The following OSBP2 variants were observed in gnomAD, a reference collection of about 807,000 sequenced individuals.
OSBP2 encodes oxysterol-binding protein 2.
A neutral mutation model predicts 96.0 loss-of-function variants in OSBP2; 66 were observed. That is an observed-to-expected ratio of 0.69 (90% CI 0.56 to 0.84). OSBP2 has a LOEUF of 0.84. Among genes scored for constraint, OSBP2 ranks in the 40% least tolerant of loss-of-function variants. OSBP2 has a pLI of 0.00. For synonymous variants in OSBP2, 525 were observed against 520.9 expected (o/e 1.01, Z -0.11); for missense variants, 1,038 against 1,222.7 (o/e 0.85, Z 2.25).
chr22:30,721,345 C>G (rs1235568241), intron 1 of OSBP2, among the ~76,000 whole-genome samples: 1 of 152,184 alleles, frequency 6.6e-6, no homozygotes, highest in African/African-American at 2.4e-5. Context: ...TATGGGGGCC[C>G]AGAAGACTAG....
At chr22:30,893,602 G>A (rs373870302) in intron 10 of OSBP2, 36 bp downstream of exon 10, 32 of 1,611,912 alleles carry the variant, frequency 2.0e-5, no homozygotes, top group African/African-American at 4.0e-5. Flanking sequence ...TGCATGGCCC[G>A]GGGGCTGGCC....
chr22:30,876,745 A>G (rs1224301124), intron 3 of OSBP2, among the ~76,000 whole-genome samples: 1 of 152,158 alleles, frequency 6.6e-6, no homozygotes, highest in African/African-American at 2.4e-5. Flanking sequence ...GGCATGCCAG[A>G]CATTCTGCAT....
intron 1 of OSBP2, among the ~76,000 whole-genome samples, chr22:30,723,483 G>A (rs571591866): frequency 9.4e-5 from 14 of 148,964 alleles, no homozygotes; most frequent in African/African-American, 2.5e-4. Flanking sequence ...GCGTGATCTC[G>A]GCTCGCTGCA....
At chr22:30,729,965 G>A (rs2089720262) in intron 1 of OSBP2, among the ~76,000 whole-genome samples, 1 of 151,810 alleles carries the variant, frequency 6.6e-6, no homozygotes, top group African/African-American at 2.4e-5. Flanking sequence ...TTGTTTTTTG[G>A]GGTTTTTTTT....
chr22:30,870,368 G>T lies in OSBP2; in HGVS notation c.854-61G>T, dbSNP rs1167872658. The T allele has an allele frequency of 1.9e-6, 3 of 1,567,740 alleles. No homozygotes were observed. Among genetic ancestry groups the T allele is most frequent in the Non-Finnish European group, 1.7e-6 (2 of 1,148,072 alleles). ...ACCCTGCCCTGCTCGGCCTGGCTGT[G>T]CAGGCCTCTTGGTACCACGTCTGTT... On this transcript the variant is annotated intron_variant, in intron 2 of 13. Coordinates refer to ENST00000332585, the MANE Select transcript of OSBP2 (RefSeq NM_030758.4). This position sits in a 1 kb window ranked among gnomAD's most constrained non-coding sequence, Gnocchi z 4.1.
At chr22:30,751,707 T>C (rs2145756383) in intron 2 of OSBP2, among the ~76,000 whole-genome samples, 1 of 152,228 alleles carries the variant, frequency 6.6e-6, no homozygotes, top group East Asian at 1.9e-4. Context: ...CCAGCACTCA[T>C]AAATCATCCG....
At chr22:30,813,262 C>G (rs1303495475) in intron 2 of OSBP2, among the ~76,000 whole-genome samples, 3 of 149,910 alleles carry the variant, frequency 2.0e-5, no homozygotes, top group Non-Finnish European at 3.0e-5. Flanking sequence ...TCACTGCAAC[C>G]TCTCGGATTC....
chr22:30,742,792 A>AT (rs1320867036), intron 2 of OSBP2, among the ~76,000 whole-genome samples: 6 of 152,176 alleles, frequency 3.9e-5, no homozygotes, highest in African/African-American at 1.2e-4. Flanking sequence ...CTGTGCTGCC[A>AT]TGAGTAACCT....
chr22:30,706,790 C>T (rs1017455148), intron 1 of OSBP2, among the ~76,000 whole-genome samples: 9 of 152,300 alleles, frequency 5.9e-5, no homozygotes, highest in Admixed American at 5.9e-4. Context: ...TTCCTGCCAT[C>T]CCCTCAGCCA....
At chr22:30,744,588 C>T (rs2089976184) in intron 2 of OSBP2, among the ~76,000 whole-genome samples, 1 of 152,082 alleles carries the variant, frequency 6.6e-6, no homozygotes, top group South Asian at 2.1e-4. Flanking sequence ...TGGTGAAACC[C>T]CATCTCTGCT....
intron 1 of OSBP2, among the ~76,000 whole-genome samples, chr22:30,730,790 A>T: frequency 4.1e-5 from 2 of 48,282 alleles, no homozygotes; most frequent in African/African-American, 1.1e-4. Context: ...ATATATATAT[A>T]TATATATATA....
chr22:30,873,960 G>A lies in OSBP2; in HGVS notation c.1107+3278G>A, dbSNP rs571055997. 3.7e-4 allele frequency among the ~76,000 whole-genome samples: 56 copies of A among 152,290 alleles called. No homozygotes were observed. In the South Asian group the frequency reaches 0.012, roughly 32 times the overall value. ...TTCAGGAGAAAAGTCAGGGTGGTTG[G>A]GTGTGGTGGCTCACACCTGTAATCC... On this transcript the variant is annotated intron_variant, in intron 3 of 13. Transcript: ENST00000332585.
At chr22:30,827,042 G>C (rs1195390753) in intron 2 of OSBP2, among the ~76,000 whole-genome samples, 1 of 152,196 alleles carries the variant, frequency 6.6e-6, no homozygotes. Context: ...TGGAGGATGA[G>C]TAAGTGGAGG....
At chr22:30,825,634 A>T in intron 2 of OSBP2, among the ~76,000 whole-genome samples, 1 of 152,208 alleles carries the variant, frequency 6.6e-6, no homozygotes, top group East Asian at 1.9e-4. Context: ...ATGCACATGT[A>T]CAGATCTGTG....
At chr22:30,894,234 C>T (rs563323640) in intron 12 of OSBP2, 34 of 479,456 alleles carry the variant, frequency 7.1e-5, no homozygotes, top group Non-Finnish European at 1.1e-4. Context: ...CAGAGCCCCT[C>T]CCTGTTCCTC....
In OSBP2 at chr22:30,759,985, C is replaced by CT. The variant is rs1413854007; in HGVS notation, c.853+18618dup. Among the ~76,000 whole-genome samples the CT allele has an allele frequency of 7.9e-5, 12 of 152,136 alleles. No individual in the cohort carries two copies. The East Asian group carries it at 2.3e-3, about 29-fold the overall frequency. ...CAAGCAGTTCTCCTCCCTCAGCCTC[C>CT]TTAGTAGCTGGGATTACAGGCATGT... is the stretch of plus-strand genomic sequence containing the variant. On this transcript the variant is annotated intron_variant, in intron 2 of 13. Transcript: ENST00000332585.
intron 3 of OSBP2, among the ~76,000 whole-genome samples, chr22:30,875,133 C>T (rs2039549885): frequency 6.6e-6 from 1 of 152,178 alleles, no homozygotes; most frequent in Non-Finnish European, 1.5e-5. Context: ...CTTCTAGTCC[C>T]ATTTTCTCAC....
At chr22:30,825,040 A>G (rs142150067) in intron 2 of OSBP2, among the ~76,000 whole-genome samples, 1 of 152,298 alleles carries the variant, frequency 6.6e-6, no homozygotes, top group African/African-American at 2.4e-5. Context: ...AAGAGGTTCC[A>G]GAAGAACAGA....
At chr22:30,816,444 G>T (rs764380169) in intron 2 of OSBP2, among the ~76,000 whole-genome samples, 1 of 152,110 alleles carries the variant, frequency 6.6e-6, no homozygotes, top group Non-Finnish European at 1.5e-5. Flanking sequence ...CTGAGAAGAC[G>T]CTGATCTCCT....
Sources: allele counts gnomAD v4.1 joint callset (sites outside exome capture counted in the v4.1 genomes callset), GRCh38; gene constraint gnomAD v4.1.1; non-coding constraint Gnocchi (gnomAD v3.1); transcripts MANE v1.5; gene names NCBI Gene and HGNC (gene_info 2026-07-23, HGNC 2026-07-21).